Variants in RGMA observed in about 807,000 individuals in gnomAD.
The protein encoded by RGMA is repulsive guidance molecule BMP co-receptor a.
RGMA carries 10 observed loss-of-function variants against 23.2 expected under a neutral mutation model. That is an observed-to-expected ratio of 0.43 (90% CI 0.27 to 0.73). RGMA has a LOEUF of 0.73. Ranked by LOEUF, RGMA falls within the 30% of genes least tolerant of loss-of-function variation. The pLI is 0.20. For synonymous variants in RGMA, 308 were observed against 279.3 expected (o/e 1.10, Z -1.03); for missense variants, 547 against 630.5 (o/e 0.87, Z 1.42).
At chr15:93,068,476 C>T (rs1051273783) in intron 2 of RGMA, among the ~76,000 whole-genome samples, 5 of 152,222 alleles carry the variant, frequency 3.3e-5, no homozygotes, top group Non-Finnish European at 5.9e-5. Context: ...CTCTCCCCAG[C>T]TCCCATCCTC....
intron 2 of RGMA, among the ~76,000 whole-genome samples, chr15:93,055,541 T>G (rs1363906361): frequency 1.3e-5 from 2 of 152,094 alleles, no homozygotes; most frequent in Non-Finnish European, 2.9e-5. Flanking sequence ...AGGACATGAA[T>G]CCAGCCCGCT....
rs535594927 is a variant in RGMA, at chr15:93,047,470, C to T, written c.646-1765G>A. 1.1e-3 allele frequency among the ~76,000 whole-genome samples: 163 copies of T among 152,276 alleles called. 1 individual carries two copies. Among genetic ancestry groups the T allele is most frequent in the Non-Finnish European group, 2.0e-3 (136 of 67,990 alleles). On this transcript the variant is annotated intron_variant, in intron 3 of 3. Transcript: ENST00000329082. ...GTGGCACCCAGGCCTTTTGGGACCT[C>T]CTGCTAAAATCCCACCTTTATCTGC...
chr15:93,060,115 T>G (rs904847426), intron 2 of RGMA, among the ~76,000 whole-genome samples: 1 of 152,126 alleles, frequency 6.6e-6, no homozygotes, highest in Non-Finnish European at 1.5e-5. Context: ...GGACAGCCAA[T>G]ACACACAGAA....
chr15:93,061,028 T>A (rs1894942960), intron 2 of RGMA, among the ~76,000 whole-genome samples: 1 of 152,242 alleles, frequency 6.6e-6, no homozygotes, highest in Non-Finnish European at 1.5e-5. Context: ...CATCTGCCCT[T>A]GCACAGCTGA....
At position 93,038,566 on chromosome 15, in the gene RGMA, G is replaced by GTTGT. The variant is rs2054685294; in HGVS notation, c.*6428_*6431dup. The stretch of plus-strand genomic sequence containing the variant: ...ATTGCCTTAATGAACGAAACTGTTA[G>GTTGT]TTGTTTTTTTTTTTTTTTTGAGACG... On this transcript the variant is annotated 3_prime_UTR_variant, in exon 4 of 4. Transcript: ENST00000329082. 1 of 84,446 alleles carries GTTGT rather than the reference G, an allele frequency of 1.2e-5. No homozygotes were observed. Among genetic ancestry groups the GTTGT allele is most frequent in the Non-Finnish European group, 2.9e-5 (1 of 34,360 alleles). The allele number at this position is 84,446 out of a possible 1,614,324, so 5.2% of individuals were successfully genotyped here.
At chr15:93,055,916 C>T (rs2055005944) in intron 2 of RGMA, among the ~76,000 whole-genome samples, 1 of 152,228 alleles carries the variant, frequency 6.6e-6, no homozygotes, top group South Asian at 2.1e-4. Flanking sequence ...CAGAGCAGCA[C>T]CGCAGCTACA....
rs1466550447 is a variant in RGMA, at chr15:93,047,835, GCA to G, written c.646-2132_646-2131del. Among the ~76,000 whole-genome samples the G allele has an allele frequency of 2.8e-4, 43 of 152,230 alleles. 1 individual carries two copies. The highest frequency in any genetic ancestry group is 2.8e-3 in the Admixed American group (43 of 15,282). On this transcript the variant is annotated intron_variant, in intron 3 of 3. Coordinates refer to ENST00000329082, the MANE Select transcript of RGMA (RefSeq NM_020211.3). ...GCCTAACAGCAGATGTGTGGCGAGG[GCA>G]CAGTGCGAGGTGCTAGAAAGCAACA...
At chr15:93,082,610 T>C (rs190904786) in intron 1 of RGMA, among the ~76,000 whole-genome samples, 264 of 152,372 alleles carry the variant, frequency 1.7e-3, no homozygotes, top group Middle Eastern at 3.4e-3. Flanking sequence ...ACATGTAGAA[T>C]GACGGCTCAT....
chr15:93,054,154 C>T (rs2054973904), intron 2 of RGMA, among the ~76,000 whole-genome samples: 2 of 146,256 alleles, frequency 1.4e-5, no homozygotes, highest in South Asian at 2.1e-4. Context: ...TGCTTGAACC[C>T]GGGAGGCAGA....
intron 2 of RGMA, among the ~76,000 whole-genome samples, chr15:93,066,874 C>G (rs561283521): frequency 6.6e-6 from 1 of 152,190 alleles, no homozygotes; most frequent in Admixed American, 6.5e-5. Flanking sequence ...GGGCAGGAGT[C>G]TGGGTTCTAC....
chr15:93,074,554 C>T (rs1381626350), intron 1 of RGMA, among the ~76,000 whole-genome samples: 2 of 152,254 alleles, frequency 1.3e-5, no homozygotes, highest in East Asian at 1.9e-4. Context: ...CACAACTCTT[C>T]TTTACGAGGG....
At chr15:93,072,269 G>C (rs534588970) in intron 2 of RGMA, among the ~76,000 whole-genome samples, 1 of 152,226 alleles carries the variant, frequency 6.6e-6, no homozygotes, top group African/African-American at 2.4e-5. Context: ...AACTATGGGG[G>C]ATTCATTGGA....
chr15:93,049,104 T>C (rs567022475), intron 3 of RGMA, among the ~76,000 whole-genome samples: 1,793 of 152,326 alleles, frequency 0.012, 36 homozygotes, highest in African/African-American at 0.04. Flanking sequence ...GGCGGCTCGC[T>C]GCCAACACAG....
chr15:93,042,910 G>A lies in RGMA; in HGVS notation c.*2088C>T, dbSNP rs796841127. 7.2e-5 allele frequency: 11 copies of A among 152,408 alleles called. 1 individual carries two copies. The highest frequency in any genetic ancestry group is 2.6e-4 in the African/African-American group (11 of 41,570). The allele number at this position is 152,408 out of a possible 1,614,324, so 9.4% of individuals were successfully genotyped here. ...CTGGGGCTCCAGGCTGATAGCAGTG[G>A]CTGAGAGGGAGTCATCCCAGATCTC... On this transcript the variant is annotated 3_prime_UTR_variant, in exon 4 of 4. Coordinates refer to ENST00000329082, the MANE Select transcript of RGMA (RefSeq NM_020211.3).
intron 2 of RGMA, among the ~76,000 whole-genome samples, chr15:93,053,540 A>T (rs1474461397): frequency 6.6e-6 from 1 of 152,220 alleles, no homozygotes; most frequent in African/African-American, 2.4e-5. Context: ...TGACCTTGGA[A>T]AGGTCAGTTT....
At position 93,073,892 on chromosome 15, in the gene RGMA, G is replaced by C. The variant is rs550608651; in HGVS notation, c.15-861C>G. On this transcript the variant is annotated intron_variant, in intron 1 of 3. Transcript: ENST00000329082. Reference sequence around the variant, plus strand: ...ACCTTGGCACAGCTGCCACTCCAGAGAGATGGCTATGCCGGTCCGCGTGGC... The same window carrying C: ...ACCTTGGCACAGCTGCCACTCCAGACAGATGGCTATGCCGGTCCGCGTGGC... 1.8e-5 allele frequency: 26 copies of C among 1,459,402 alleles called. No individual in the cohort carries two copies. In the African/African-American group the frequency reaches 3.0e-4, roughly 17 times the overall value. 90.4% of individuals were successfully genotyped at this position (1,459,402 alleles called of 1,614,324 possible).
chr15:93,069,598 A>G (rs188469805), intron 2 of RGMA, among the ~76,000 whole-genome samples: 56 of 152,378 alleles, frequency 3.7e-4, no homozygotes, highest in African/African-American at 1.3e-3. Flanking sequence ...TCTGGAGTGC[A>G]ATAGTTCTTA....
In RGMA at chr15:93,089,145, C is replaced by T; in HGVS notation, c.-213G>A. 1 of 326,442 alleles carries T rather than the reference C, an allele frequency of 3.1e-6. No homozygotes were observed. The highest frequency in any genetic ancestry group is 4.8e-5 in the East Asian group (1 of 21,006). The allele number at this position is 326,442 out of a possible 1,614,324, so 20.2% of individuals were successfully genotyped here. On this transcript the variant is annotated 5_prime_UTR_variant, in exon 1 of 4. Transcript: ENST00000329082. ...CTGGCGGAGCCGGCCCGGGAGCGAA[C>T]GGCCAGTGCTTCCCCGGCCCAGCGG...
chr15:93,072,030 T>C (rs1461252378), intron 2 of RGMA, among the ~76,000 whole-genome samples: 1 of 152,272 alleles, frequency 6.6e-6, no homozygotes, highest in East Asian at 1.9e-4. Flanking sequence ...GTGAGCAGCA[T>C]ATGGCAAAAA....
Sources: gnomAD v4.1 joint callset for allele counts (sites outside exome capture counted in the v4.1 genomes callset) on GRCh38, gnomAD v4.1.1 for gene constraint, MANE v1.5 for transcripts, NCBI Gene and HGNC (gene_info 2026-07-23, HGNC 2026-07-21) for gene names.